The following IMPG2 variants were observed in gnomAD, a reference collection of about 807,000 sequenced individuals.
The protein encoded by IMPG2 is IPM 200.
IMPG2 carries 91 observed loss-of-function variants against 129.2 expected under a neutral mutation model. The observed-to-expected ratio is 0.70, with a 90% CI of 0.59 to 0.84. IMPG2 has a LOEUF of 0.84. IMPG2 is among the 40% of genes least tolerant of loss of function. IMPG2 has a pLI of 0.00. For synonymous variants in IMPG2, 510 were observed against 517.7 expected, an observed-to-expected ratio of 0.99 and a Z score of 0.20; for missense variants, 1,430 against 1,461.7, an observed-to-expected ratio of 0.98 and a Z score of 0.35.
chr3:101,305,643 C>G (rs1402997930), intron 2 of IMPG2, among the ~76,000 whole-genome samples: 1 of 151,916 alleles, frequency 6.6e-6, no homozygotes, highest in Non-Finnish European at 1.5e-5. Flanking sequence ...TAAAACTGCT[C>G]TAAGAAATAT....
chr3:101,302,290 G>C (rs1482704042), intron 3 of IMPG2, among the ~76,000 whole-genome samples: 2 of 152,156 alleles, frequency 1.3e-5, no homozygotes, highest in African/African-American at 4.8e-5. Flanking sequence ...CTGTTCTTCT[G>C]GTAATACTAA....
chr3:101,320,318 G>T lies in IMPG2; in HGVS notation c.55C>A (p.Leu19Met). The change falls in exon 1 of 19, where the codon CTG becomes ATG. Residue 19 changes from leucine to methionine, a missense_variant. By Grantham distance (15) the Leu-to-Met change is conservative. Coordinates refer to ENST00000193391, the MANE Select transcript of IMPG2 (RefSeq NM_016247.4). ...AATGATGGAAAGTCTCCTTCTATCA[G>T]GACAAATATCAAAATACCCAGAGAA... ...KISLGILIFV[L>M]IEGDFPSLTA... The T allele has an allele frequency of 6.2e-7, 1 of 1,605,332 alleles. No individual in the cohort carries two copies. The highest frequency in any genetic ancestry group is 8.5e-7 in the Non-Finnish European group (1 of 1,172,848).
chr3:101,284,272 T>C (rs1003721193), intron 4 of IMPG2, among the ~76,000 whole-genome samples: 1 of 152,214 alleles, frequency 6.6e-6, no homozygotes, highest in African/African-American at 2.4e-5. Context: ...CATAGAGATG[T>C]CATCATAAAT....
chr3:101,268,878 C>G (rs1706748687), intron 8 of IMPG2, among the ~76,000 whole-genome samples: 1 of 152,188 alleles, frequency 6.6e-6, no homozygotes, highest in Non-Finnish European at 1.5e-5. Context: ...TGGGCTAATA[C>G]TTCATCCCTT....
rs750828558 is a variant in IMPG2 at position 101,229,565 on chromosome 3, G to A, written c.3448C>T (p.Leu1150Phe). 1 of 1,613,984 alleles carries A rather than the reference G, an allele frequency of 6.2e-7. No individual in the cohort carries two copies. The highest frequency in any genetic ancestry group is 2.2e-5 in the East Asian group (1 of 44,870). ...FSGSSRQPDS[L>F]SSIENAVKYN... ...TTCACAGCATTCTCAATAGATGAGA[G>A]GCTGTCAGGCTGCCTGCTGGAGCCA... The change falls in exon 17 of 19, where the codon CTC (leucine) becomes TTC (phenylalanine). Residue 1150 changes from leucine (L) to phenylalanine (F), a missense_variant. Leu to Phe is a conservative substitution (Grantham distance 22). Coordinates refer to ENST00000193391, the MANE Select transcript of IMPG2 (RefSeq NM_016247.4).
At position 101,273,779 on chromosome 3, in the gene IMPG2, T is replaced by G. The variant is rs548676720; in HGVS notation, c.667-37A>C. ...GAGAAAGAACAATAAATGTCAAGGC[T>G]TATTCATTCAATCAACAAACATTTA... On this transcript the variant is annotated intron_variant, in intron 6 of 18. Coordinates refer to ENST00000193391, the MANE Select transcript of IMPG2 (RefSeq NM_016247.4). 4 of 1,581,828 alleles carry G rather than the reference T, an allele frequency of 2.5e-6. No individual in the cohort carries two copies. In the South Asian group the frequency reaches 3.3e-5, roughly 13 times the overall value.
Position 101,319,584 on chromosome 3 carries a change from C to A in IMPG2, c.334G>T (p.Val112Leu). ...CTGAAGGATTTGGATGTTCGCTTAC[C>A]TCGGACTTTAAAATACTTCACATGA... ...ANHVKYFKVR[V>L]CQEAVWEAFR... Residue 112 changes from valine to leucine, a missense_variant and splice_region_variant, in exon 2 of 19, where the codon GTG becomes TTG. By Grantham distance (32) the Val-to-Leu change is conservative. Coordinates refer to ENST00000193391, the MANE Select transcript of IMPG2 (RefSeq NM_016247.4). 3 of 1,613,344 alleles carry A rather than the reference C, an allele frequency of 1.9e-6. No individual in the cohort carries two copies. Among genetic ancestry groups the A allele is most frequent in the Non-Finnish European group, 2.5e-6 (3 of 1,179,652 alleles).
At chr3:101,291,625 C>T in intron 3 of IMPG2, 115 bp from the exon 4 acceptor site, 1 of 765,398 alleles carries the variant, frequency 1.3e-6, no homozygotes, top group Non-Finnish European at 2.3e-6. Flanking sequence ...TATGTTAGTA[C>T]TCTCTATGGT....
chr3:101,309,514 C>T (rs1399554300), intron 2 of IMPG2, among the ~76,000 whole-genome samples: 1 of 152,084 alleles, frequency 6.6e-6, no homozygotes, highest in Admixed American at 6.5e-5. Context: ...TCCACTTAAA[C>T]GTGGGAAAGC....
At chr3:101,319,960 T>C (rs2058803445) in intron 1 of IMPG2, 128 bp from the exon 2 acceptor site, 2 of 937,932 alleles carry the variant, frequency 2.1e-6, no homozygotes, top group South Asian at 2.9e-5. Flanking sequence ...TAGGCAGGCA[T>C]GCATATCTAA....
In IMPG2 at chr3:101,244,615, C is replaced by A; in HGVS notation, c.1716G>T (p.Leu572Phe). The change falls in exon 13 of 19, where the codon TTG becomes TTT. Residue 572 changes from leucine (L) to phenylalanine (F), a missense_variant. Transcript: ENST00000193391. Reference protein sequence around the residue: ...TSSIPFGLDSLTSKVKDQLKV... With the variant: ...TSSIPFGLDSFTSKVKDQLKV... ...TTAATTGGTCTTTGACTTTGGAGGTCAAGGAGTCCAAGCCAAAAGGTATAG... is the reference window on the plus strand; with the variant it reads ...TTAATTGGTCTTTGACTTTGGAGGTAAAGGAGTCCAAGCCAAAAGGTATAG... 6.2e-7 allele frequency: 1 copy of A among 1,600,958 alleles called. No homozygotes were observed. Among genetic ancestry groups the A allele is most frequent in the South Asian group, 1.1e-5 (1 of 88,486 alleles).
Position 101,244,465 on chromosome 3 carries a change from C to T in IMPG2, c.1866G>A (p.Glu622=), listed in dbSNP as rs1486291966. The change falls in exon 13 of 19, where the codon GAG becomes GAA. Residue 622 remains glutamate, a synonymous_variant. Coordinates refer to ENST00000193391, the MANE Select transcript of IMPG2 (RefSeq NM_016247.4). The stretch of plus-strand genomic sequence containing the variant: ...GCTTGGACAGTGGTTCAGCGCTCTT[C>T]TCTGATGAAGTCTCACTCCATGGCC... ...ITWPWSETSS[E]KSAEPLSKPW... 6.2e-7 allele frequency: 1 copy of T among 1,614,150 alleles called. No individual in the cohort carries two copies. The highest frequency in any genetic ancestry group is 1.1e-5 in the South Asian group (1 of 91,078).
At chr3:101,250,007 G>C (rs1706526924) in intron 11 of IMPG2, among the ~76,000 whole-genome samples, 1 of 152,106 alleles carries the variant, frequency 6.6e-6, no homozygotes, top group Non-Finnish European at 1.5e-5. Context: ...AACCCAAGGA[G>C]TTTGAGGCTT....
In IMPG2 at chr3:101,226,483, C is replaced by T. The variant is rs1706225620; in HGVS notation, c.*486G>A. ...AGAAAGAATTTTATTTAGATGAATG[C>T]CTGATTATAAACTATCCATTAAGAC... On this transcript the variant is annotated 3_prime_UTR_variant, in exon 19 of 19. Transcript: ENST00000193391. 6.6e-6 allele frequency: 1 copy of T among 152,298 alleles called. No individual in the cohort carries two copies. Among genetic ancestry groups the T allele is most frequent in the African/African-American group, 2.4e-5 (1 of 41,290 alleles). The allele number at this position is 152,298 out of a possible 1,614,324, so 9.4% of individuals were successfully genotyped here.
chr3:101,293,050 T>C (rs967925060), intron 3 of IMPG2, among the ~76,000 whole-genome samples: 1 of 152,212 alleles, frequency 6.6e-6, no homozygotes, highest in African/African-American at 2.4e-5. Context: ...AAGTCATCCA[T>C]GAGAGTCGGA....
intron 9 of IMPG2, among the ~76,000 whole-genome samples, chr3:101,264,777 TG>T (rs111414349): frequency 6.6e-6 from 1 of 152,026 alleles, no homozygotes; most frequent in African/African-American, 2.4e-5. Context: ...TTGCCGATCA[TG>T]TGATCTTACA....
chr3:101,232,646 G>T, intron 15 of IMPG2, 135 bp downstream of exon 15: 1 of 712,018 alleles, frequency 1.4e-6, no homozygotes. Flanking sequence ...CAGTTAGATG[G>T]CTCCCATCTA....
In IMPG2 at chr3:101,304,279, G is replaced by C; in HGVS notation, c.368C>G (p.Thr123Ser). ...CQEAVWEAFR[T>S]FWDRLPGREE... ...ACGCCCAGGAAGTCGATCCCAAAAA[G>C]TCCTGAAGGCTTCCCAGACAGCTTC... The change falls in exon 3 of 19, where the codon ACT becomes AGT. Residue 123 changes from threonine (T) to serine (S), a missense_variant. By Grantham distance (58) the Thr-to-Ser change is moderately conservative. Transcript: ENST00000193391. 1 of 1,613,886 alleles carries C rather than the reference G, an allele frequency of 6.2e-7. No individual in the cohort carries two copies. The highest frequency in any genetic ancestry group is 8.5e-7 in the Non-Finnish European group (1 of 1,179,776).
At chr3:101,289,475 G>A (rs1420428705) in intron 4 of IMPG2, among the ~76,000 whole-genome samples, 1 of 152,052 alleles carries the variant, frequency 6.6e-6, no homozygotes, top group African/African-American at 2.4e-5. Context: ...CTAGTATACT[G>A]TAAGCAATCA....
Sources: allele counts gnomAD v4.1 joint callset (sites outside exome capture counted in the v4.1 genomes callset), GRCh38; gene constraint gnomAD v4.1.1; transcripts MANE v1.5; gene names NCBI Gene and HGNC (gene_info 2026-07-23, HGNC 2026-07-21).